RBFOX1: variants seen among roughly 807,000 people sequenced by gnomAD.
RBFOX1 encodes the protein RNA binding fox-1 homolog 1.
In RBFOX1, 8 loss-of-function variants were observed where a neutral mutation model predicts 57.7. The ratio of observed to expected loss-of-function variants is 0.14; its 90% CI spans 0.08 to 0.25. The LOEUF is 0.25. Among genes scored for constraint, RBFOX1 ranks in the 10% least tolerant of loss-of-function variants. The pLI is 1.00. For synonymous variants in RBFOX1, 326 were observed against 222.4 expected, an observed-to-expected ratio of 1.47 and a Z score of -4.15; for missense variants, 611 against 548.5, an observed-to-expected ratio of 1.11 and a Z score of -1.14.
chr16:5,884,584 A>G (rs183138749), intron 4 of RBFOX1, among the ~76,000 whole-genome samples: 44 of 152,132 alleles, frequency 2.9e-4, no homozygotes, highest in Middle Eastern at 3.4e-3. Context: ...GAAGTAATGT[A>G]TGACTTTTTC....
At chr16:6,493,667 C>T (rs1262566348) in intron 2 of RBFOX1, among the ~76,000 whole-genome samples, 1 of 152,140 alleles carries the variant, frequency 6.6e-6, no homozygotes, top group African/African-American at 2.4e-5. Flanking sequence ...GCTGTAAGGG[C>T]AGATAAAATA....
At chr16:7,161,394 C>T (rs575506371) in intron 4 of RBFOX1, among the ~76,000 whole-genome samples, 11 of 152,282 alleles carry the variant, frequency 7.2e-5, no homozygotes, top group African/African-American at 2.4e-4. Flanking sequence ...TTGCTAAATA[C>T]ACATTATACC....
In RBFOX1 at chr16:6,814,389, A is replaced by G. The variant is rs117981057; in HGVS notation, c.-16+159739A>G. Among the ~76,000 whole-genome samples, 1,150 of 152,194 alleles carry G rather than the reference A, an allele frequency of 7.6e-3. 4 individuals are homozygous for G. The highest frequency in any genetic ancestry group is 0.017 in the Middle Eastern group (5 of 294). The stretch of plus-strand genomic sequence containing the variant: ...TTCTTTCTGACATTGTTTTCCATCC[A>G]TTCTTACGGTAAATAATCTCTGTGT... On this transcript the variant is annotated intron_variant, in intron 3 of 15. Transcript: ENST00000550418.
At chr16:5,989,068 C>G (rs2060335871) in intron 4 of RBFOX1, among the ~76,000 whole-genome samples, 1 of 151,810 alleles carries the variant, frequency 6.6e-6, no homozygotes, top group Admixed American at 6.6e-5. Flanking sequence ...CGCCTGTAAT[C>G]CCAGCACTTT....
chr16:6,147,344 A>G (rs1222974747), intron 1 of RBFOX1, among the ~76,000 whole-genome samples: 2 of 152,074 alleles, frequency 1.3e-5, no homozygotes, highest in Non-Finnish European at 2.9e-5. Flanking sequence ...TGTGATCCCA[A>G]GCTATGACCT....
intron 2 of RBFOX1, among the ~76,000 whole-genome samples, chr16:6,466,887 A>G (rs191635591): frequency 7.9e-5 from 12 of 152,280 alleles, no homozygotes; most frequent in African/African-American, 2.6e-4. Context: ...TTATGTGAGA[A>G]TAAGTGTTTT....
intron 3 of RBFOX1, among the ~76,000 whole-genome samples, chr16:6,668,048 A>T (rs1467564756): frequency 6.6e-6 from 1 of 152,220 alleles, no homozygotes; most frequent in African/African-American, 2.4e-5. Flanking sequence ...TAGCAAAGTA[A>T]ATTACAAAGC....
chr16:7,543,091 G>T (rs1410510445), intron 5 of RBFOX1, among the ~76,000 whole-genome samples: 3 of 152,144 alleles, frequency 2.0e-5, no homozygotes, highest in African/African-American at 7.2e-5. Context: ...GCATGGTACT[G>T]TGGCAGCACC....
At chr16:7,210,591 C>T (rs9922667) in intron 4 of RBFOX1, among the ~76,000 whole-genome samples, 53,061 of 151,974 alleles carry the variant, frequency 0.35, 10,809 homozygotes, top group African/African-American at 0.57. Context: ...TTAAGACTGA[C>T]CGTCATACTG....
intron 2 of RBFOX1, among the ~76,000 whole-genome samples, chr16:6,375,805 G>A (rs1263180881): frequency 2.0e-5 from 3 of 152,078 alleles, no homozygotes; most frequent in Non-Finnish European, 4.4e-5. Context: ...TGATGAACAG[G>A]CATTTCCCTA....
At chr16:6,075,330 T>C (rs1286580223) in intron 1 of RBFOX1, among the ~76,000 whole-genome samples, 2 of 152,244 alleles carry the variant, frequency 1.3e-5, no homozygotes, top group Non-Finnish European at 2.9e-5. Flanking sequence ...AGAGAAATAC[T>C]CATTTATTCA....
intron 3 of RBFOX1, among the ~76,000 whole-genome samples, chr16:6,917,336 G>C (rs531946204): frequency 1.1e-4 from 17 of 152,248 alleles, no homozygotes; most frequent in South Asian, 2.1e-4. Flanking sequence ...AATCCCATCT[G>C]GTGAAATCAG....
chr16:5,640,833 GCACACACA>G (rs142919715), intron 3 of RBFOX1, among the ~76,000 whole-genome samples: 27 of 142,760 alleles, frequency 1.9e-4, no homozygotes, highest in Admixed American at 8.9e-4. Context: ...ACACATACAT[GCACACACA>G]CACACACACA....
At chr16:7,648,917 G>T (rs1424945605) in intron 11 of RBFOX1, among the ~76,000 whole-genome samples, 2 of 152,080 alleles carry the variant, frequency 1.3e-5, no homozygotes, top group Non-Finnish European at 2.9e-5. Flanking sequence ...TCAAAATCTG[G>T]TTACTTTTTC....
intron 1 of RBFOX1, among the ~76,000 whole-genome samples, chr16:6,246,530 G>T (rs1300021726): frequency 6.6e-6 from 1 of 152,152 alleles, no homozygotes; most frequent in South Asian, 2.1e-4. Context: ...CTAGGAAGAA[G>T]AGTGTTACTA....
chr16:5,608,039 C>G (rs1306291720), intron 3 of RBFOX1, among the ~76,000 whole-genome samples: 2 of 152,188 alleles, frequency 1.3e-5, no homozygotes, highest in African/African-American at 2.4e-5. Context: ...AGGAGTGTGT[C>G]TCTTTGGTCA....
At chr16:6,780,658 T>C (rs904832311) in intron 3 of RBFOX1, among the ~76,000 whole-genome samples, 12 of 148,544 alleles carry the variant, frequency 8.1e-5, no homozygotes, top group South Asian at 6.3e-4. Flanking sequence ...TATGTATATA[T>C]CTATATTGCC....
chr16:6,357,357 T>A (rs2087531427), intron 2 of RBFOX1, among the ~76,000 whole-genome samples: 1 of 151,986 alleles, frequency 6.6e-6, no homozygotes, highest in Non-Finnish European at 1.5e-5. Context: ...AGCTCAGAGT[T>A]TGGGCAGAAA....
chr16:6,842,849 G>A (rs1489252725), intron 3 of RBFOX1, among the ~76,000 whole-genome samples: 3 of 151,950 alleles, frequency 2.0e-5, no homozygotes, highest in Admixed American at 1.3e-4. Flanking sequence ...AGGCCCCGGT[G>A]TGTGATGTTC....
Sources: allele counts gnomAD v4.1 joint callset (sites outside exome capture counted in the v4.1 genomes callset), GRCh38; gene constraint gnomAD v4.1.1; transcripts MANE v1.5; gene names NCBI Gene and HGNC (gene_info 2026-07-23, HGNC 2026-07-21).